The following GARIN1A variants were observed in gnomAD, a reference collection of about 807,000 sequenced individuals.
The protein encoded by GARIN1A is golgi associated RAB2 interactor 1A.
At chr7:128,672,621 A>G in the GARIN1A span, 1 of 356,950 alleles carries the variant, frequency 2.8e-6, no homozygotes, top group Non-Finnish European at 4.6e-6. Flanking sequence ...TGGTTAGGAG[A>G]TGCTGTGGCC....
At chr7:128,705,083 G>A in the GARIN1A span, among the ~76,000 whole-genome samples, 1 of 152,142 alleles carries the variant, frequency 6.6e-6, no homozygotes, top group African/African-American at 2.4e-5. Flanking sequence ...GTTCCTTTTT[G>A]TTGCTGAATG....
the GARIN1A span, chr7:128,686,319 A>G: frequency 3.3e-5 from 5 of 152,212 alleles, no homozygotes; most frequent in Admixed American, 6.5e-5. Flanking sequence ...TCTAAGCACT[A>G]TGCTGACTTT....
At chr7:128,677,951 A>G in the GARIN1A span, 1 of 696,816 alleles carries the variant, frequency 1.4e-6, no homozygotes, top group East Asian at 2.9e-5. Flanking sequence ...ATTTCTATTC[A>G]GTAGTATGAA....
At chr7:128,680,564 C>CTTTTTTTTTTTTTTTTTTTTTTTTT in the GARIN1A span, among the ~76,000 whole-genome samples, 1 of 113,760 alleles carries the variant, frequency 8.8e-6, no homozygotes, top group African/African-American at 3.3e-5. Context: ...TTCTTTCTTT[C>CTTTTTTTTTTTTTTTTTTTTTTTTT]TTTTTATTTT....
the GARIN1A span, among the ~76,000 whole-genome samples, chr7:128,679,041 A>C: frequency 1.7e-5 from 2 of 118,888 alleles, no homozygotes; most frequent in Non-Finnish European, 3.6e-5. Flanking sequence ...CGTATGTAAC[A>C]ATCGTTACAT....
At chr7:128,688,905 A>G in the GARIN1A span, among the ~76,000 whole-genome samples, 3 of 148,678 alleles carry the variant, frequency 2.0e-5, no homozygotes, top group Non-Finnish European at 4.5e-5. Flanking sequence ...TCCCTGCCTG[A>G]TTCTCCTGCC....
the GARIN1A span, among the ~76,000 whole-genome samples, chr7:128,680,748 G>T: frequency 6.6e-6 from 1 of 151,954 alleles, no homozygotes; most frequent in Non-Finnish European, 1.5e-5. Flanking sequence ...GTTATTTTTA[G>T]TAGAGACAGG....
the GARIN1A span, among the ~76,000 whole-genome samples, chr7:128,677,379 C>T: frequency 2.0e-5 from 3 of 151,740 alleles, no homozygotes; most frequent in Admixed American, 6.6e-5. Flanking sequence ...TGGTGGCGGG[C>T]GCCTGTAGTC....
chr7:128,680,066 C>T, the GARIN1A span: 5 of 1,579,618 alleles, frequency 3.2e-6, no homozygotes, highest in East Asian at 2.3e-5. Flanking sequence ...CCCAGCCCAG[C>T]GAGCCCCTCG....
At chr7:128,680,578 T>C in the GARIN1A span, among the ~76,000 whole-genome samples, 2 of 151,358 alleles carry the variant, frequency 1.3e-5, no homozygotes, top group Admixed American at 6.6e-5. Context: ...TTATTTTTTT[T>C]TTGGAGACAG....
chr7:128,699,260 G>GCACCCCCCCCCC, the GARIN1A span, among the ~76,000 whole-genome samples: 1 of 105,016 alleles, frequency 9.5e-6, no homozygotes, highest in Non-Finnish European at 2.0e-5. Context: ...CATACCTGCT[G>GCACCCCCCCCCC]CCCCCCCCCC....
the GARIN1A span, among the ~76,000 whole-genome samples, chr7:128,693,258 T>C: frequency 3.3e-5 from 5 of 152,226 alleles, no homozygotes; most frequent in Non-Finnish European, 7.3e-5. Flanking sequence ...TGCAAAGAAA[T>C]AGTCACAGTT....
chr7:128,672,539 A>G, the GARIN1A span: 1 of 1,608,664 alleles, frequency 6.2e-7, no homozygotes, highest in Non-Finnish European at 8.5e-7. Flanking sequence ...GTTTGAAAGC[A>G]ACTTTATCCA....
At chr7:128,677,869 G>A in the GARIN1A span, 2 of 1,404,070 alleles carry the variant, frequency 1.4e-6, no homozygotes, top group South Asian at 2.6e-5. Flanking sequence ...AAGTATATAT[G>A]TAAGTGTCTG....
chr7:128,672,464 GA>G, the GARIN1A span: 2 of 1,608,918 alleles, frequency 1.2e-6, no homozygotes, highest in South Asian at 1.1e-5. Context: ...ACTTGGGGTG[GA>G]AAATGGCCTT....
At chr7:128,686,887 A>T in the GARIN1A span, 1 of 139,708 alleles carries the variant, frequency 7.2e-6, no homozygotes, top group Non-Finnish European at 1.6e-5. Flanking sequence ...AAAAAAAAAA[A>T]AATATATCTG....
the GARIN1A span, chr7:128,677,984 G>T: frequency 1.2e-5 from 5 of 432,014 alleles, no homozygotes; most frequent in Non-Finnish European, 1.6e-5. Context: ...TATTTGACCA[G>T]TCCCTAATAT....
At chr7:128,673,751 T>C in the GARIN1A span, among the ~76,000 whole-genome samples, 1 of 152,164 alleles carries the variant, frequency 6.6e-6, no homozygotes, top group Non-Finnish European at 1.5e-5. Flanking sequence ...CCCCAGGAGA[T>C]GTGTAGTTGG....
At chr7:128,676,869 C>T in the GARIN1A span, among the ~76,000 whole-genome samples, 1 of 151,916 alleles carries the variant, frequency 6.6e-6, no homozygotes, top group Admixed American at 6.6e-5. Flanking sequence ...ATCTGTAAAG[C>T]GGAATTAATC....
Sources: gnomAD v4.1 joint callset for allele counts (sites outside exome capture counted in the v4.1 genomes callset) on GRCh38, gnomAD v4.1.1 for gene constraint, MANE v1.5 for transcripts, NCBI Gene and HGNC (gene_info 2026-07-23, HGNC 2026-07-21) for gene names.